FER: variants seen among roughly 807,000 people sequenced by gnomAD.
The protein encoded by FER is FER tyrosine kinase.
FER carries 63 observed loss-of-function variants against 111.0 expected under a neutral mutation model. The ratio of observed to expected loss-of-function variants is 0.57; its 90% CI spans 0.46 to 0.70. The LOEUF (loss-of-function observed/expected upper bound fraction) is 0.70, where lower values mean the gene tolerates loss of function less well. Among genes scored for constraint, FER ranks in the 30% least tolerant of loss-of-function variants. FER has a pLI of 0.00. For synonymous variants in FER, 327 were observed against 313.9 expected, an observed-to-expected ratio of 1.04 and a Z score of -0.44; for missense variants, 914 against 954.0, an observed-to-expected ratio of 0.96 and a Z score of 0.55.
In FER at chr5:108,846,030, T is replaced by G. The variant is rs1761994782; in HGVS notation, c.481+10223T>G. 3.3e-5 allele frequency among the ~76,000 whole-genome samples: 5 copies of G among 152,180 alleles called. 1 individual carries two copies. The South Asian group carries it at 1.0e-3, about 32-fold the overall frequency. On this transcript the variant is annotated intron_variant, in intron 5 of 19. Coordinates refer to ENST00000281092, the MANE Select transcript of FER (RefSeq NM_005246.4). ...AATTGTTGGATGTGATTTGCTAAGT[T>G]TTTGTTTATAATTTATCACCTATGT...
At chr5:108,800,737 G>A (rs572487974) in intron 3 of FER, among the ~76,000 whole-genome samples, 4 of 152,282 alleles carry the variant, frequency 2.6e-5, no homozygotes, top group Non-Finnish European at 4.4e-5. Context: ...TGTGCTTTTC[G>A]TATTATATCT....
chr5:108,936,659 G>A (rs1755518589), intron 10 of FER, among the ~76,000 whole-genome samples: 1 of 151,828 alleles, frequency 6.6e-6, no homozygotes, highest in Non-Finnish European at 1.5e-5. Flanking sequence ...AAGCCCTGGA[G>A]GTGTTATTTA....
chr5:109,015,455 C>A (rs148516670), intron 13 of FER, among the ~76,000 whole-genome samples: 1 of 151,670 alleles, frequency 6.6e-6, no homozygotes, highest in African/African-American at 2.4e-5. Context: ...TCTTTCATGC[C>A]ACATTAACTG....
chr5:108,850,712 G>A (rs1351679138), intron 5 of FER, among the ~76,000 whole-genome samples: 1 of 151,992 alleles, frequency 6.6e-6, no homozygotes, highest in African/African-American at 2.4e-5. Context: ...GTTTATTACA[G>A]TAATTTTGTT....
At chr5:108,999,977 C>G (rs941984611) in intron 13 of FER, among the ~76,000 whole-genome samples, 1 of 152,030 alleles carries the variant, frequency 6.6e-6, no homozygotes, top group African/African-American at 2.4e-5. Flanking sequence ...GGGGCATTAA[C>G]TCTGCATCTC....
intron 10 of FER, among the ~76,000 whole-genome samples, chr5:108,931,598 A>G (rs961541548): frequency 3.3e-5 from 5 of 152,080 alleles, no homozygotes; most frequent in Admixed American, 1.3e-4. Flanking sequence ...TGTGGTATTA[A>G]AAATAGTGCA....
intron 13 of FER, among the ~76,000 whole-genome samples, chr5:108,996,536 G>C (rs989661375): frequency 6.6e-6 from 1 of 152,270 alleles, no homozygotes; most frequent in East Asian, 1.9e-4. Flanking sequence ...CTCATTTCTT[G>C]TTTTTGTCAG....
intron 5 of FER, among the ~76,000 whole-genome samples, chr5:108,864,673 T>C (rs903360868): frequency 3.9e-5 from 6 of 152,214 alleles, no homozygotes; most frequent in Non-Finnish European, 7.3e-5. Context: ...GTTGTAGATA[T>C]GCGGCATTAT....
chr5:109,016,030 A>G (rs182339559), intron 13 of FER, among the ~76,000 whole-genome samples: 42 of 152,086 alleles, frequency 2.8e-4, no homozygotes, highest in Admixed American at 5.9e-4. Context: ...TTTAAGGGTT[A>G]CTATTAGTGA....
In FER at chr5:109,194,022, A is replaced by T. The variant is rs1173404058; in HGVS notation, c.*6447A>T. The T allele has an allele frequency of 6.6e-6, 1 of 152,198 alleles. No homozygotes were observed. The highest frequency in any genetic ancestry group is 2.4e-5 in the African/African-American group (1 of 41,450). 9.4% of individuals were successfully genotyped at this position (152,198 alleles called of 1,614,324 possible). A position where few individuals can be genotyped will look rare whatever the true frequency, so the allele number is the denominator to read the frequency against. ...GTAGAAGCTCTTGAGAGATTTTCCT[A>T]ACGCAGCAAGATTTCTGTGAGTAGA... On this transcript the variant is annotated 3_prime_UTR_variant, in exon 20 of 20. Transcript: ENST00000281092.
intron 5 of FER, among the ~76,000 whole-genome samples, chr5:108,849,134 A>G (rs1561509716): frequency 6.6e-6 from 1 of 152,064 alleles, no homozygotes; most frequent in Non-Finnish European, 1.5e-5. Flanking sequence ...GTTTTTTATT[A>G]AAGTTTTAAT....
At chr5:109,044,594 C>T (rs1179977690) in intron 14 of FER, 86 bp from the exon 15 acceptor site, 1 of 639,422 alleles carries the variant, frequency 1.6e-6, no homozygotes. Context: ...GTAAGCACCT[C>T]CTCCTCTTTG....
chr5:108,884,140 A>C (rs1235274902), intron 9 of FER, among the ~76,000 whole-genome samples: 1 of 151,998 alleles, frequency 6.6e-6, no homozygotes, highest in Non-Finnish European at 1.5e-5. Flanking sequence ...CATCTACAAG[A>C]GTGGGTGCTG....
intron 13 of FER, among the ~76,000 whole-genome samples, chr5:108,973,076 A>G (rs1036164793): frequency 1.3e-5 from 2 of 152,110 alleles, no homozygotes; most frequent in African/African-American, 4.8e-5. Flanking sequence ...CCTTGATGAG[A>G]TTTCTCTCTG....
At position 108,967,759 on chromosome 5, in the gene FER, C is replaced by CAAAAAAAAAAAAAAA. The variant is rs774855414; in HGVS notation, c.1656+8422_1656+8436dup. Among the ~76,000 whole-genome samples, 28 of 34,448 alleles carry CAAAAAAAAAAAAAAA rather than the reference C, an allele frequency of 8.1e-4. 1 individual carries two copies. The highest frequency in any genetic ancestry group is 1.4e-3 in the Non-Finnish European group (24 of 17,392). 22.6% of individuals were successfully genotyped at this position (34,448 alleles called of 152,430 possible). A position where few individuals can be genotyped will look rare whatever the true frequency, so the allele number is the denominator to read the frequency against. The stretch of plus-strand genomic sequence containing the variant: ...TGGGCGACAAAGCGAGACTCCGTCT[C>CAAAAAAAAAAAAAAA]AAAAAAAAAAAAAAAAAAAAAAAAC... On this transcript the variant is annotated intron_variant, in intron 13 of 19. Transcript: ENST00000281092.
intron 10 of FER, among the ~76,000 whole-genome samples, chr5:108,942,949 T>C (rs1179104104): frequency 1.3e-5 from 2 of 152,182 alleles, no homozygotes; most frequent in African/African-American, 4.8e-5. Flanking sequence ...AATAAGTAGC[T>C]GGCTGTTCCT....
chr5:109,183,769 A>T (rs1275654090), intron 18 of FER, among the ~76,000 whole-genome samples: 1 of 152,086 alleles, frequency 6.6e-6, no homozygotes, highest in Non-Finnish European at 1.5e-5. Flanking sequence ...TGTCTCAAGA[A>T]AAGTGGGGGG....
At chr5:108,844,220 C>T (rs537583072) in intron 5 of FER, among the ~76,000 whole-genome samples, 1 of 141,872 alleles carries the variant, frequency 7.0e-6, no homozygotes, top group Non-Finnish European at 1.6e-5. Context: ...TATATTGTAA[C>T]ATCATAACAT....
chr5:108,984,943 T>C (rs1762400736), intron 13 of FER, among the ~76,000 whole-genome samples: 1 of 152,054 alleles, frequency 6.6e-6, no homozygotes, highest in Non-Finnish European at 1.5e-5. Context: ...AGATAAGACA[T>C]TTAGAGGTTA....
Sources: allele counts gnomAD v4.1 joint callset (sites outside exome capture counted in the v4.1 genomes callset), GRCh38; gene constraint gnomAD v4.1.1; transcripts MANE v1.5; gene names NCBI Gene and HGNC (gene_info 2026-07-23, HGNC 2026-07-21).